Variants in TMEM132D observed in about 807,000 individuals in gnomAD.
TMEM132D encodes the protein transmembrane protein 132D, also known as mature OL transmembrane protein.
In TMEM132D, 21 loss-of-function variants were observed where a neutral mutation model predicts 62.3. The ratio of observed to expected loss-of-function variants is 0.34; its 90% confidence interval spans 0.24 to 0.49. The LOEUF (loss-of-function observed/expected upper bound fraction) is 0.49. Ranked by LOEUF, TMEM132D falls within the 20% of genes least tolerant of loss-of-function variation. TMEM132D has a pLI of 0.99. For synonymous variants in TMEM132D, 621 were observed against 575.6 expected (o/e 1.08, Z -1.13); for missense variants, 1,346 against 1,402.8 (o/e 0.96, Z 0.65).
chr12:129,851,725 C>T (rs1474615947), intron 1 of TMEM132D, among the ~76,000 whole-genome samples: 6 of 152,184 alleles, frequency 3.9e-5, no homozygotes, highest in African/African-American at 4.8e-5. Flanking sequence ...CCAAGGGAGA[C>T]GCCTGCAACA....
chr12:129,325,877 C>G (rs763433344), intron 4 of TMEM132D, among the ~76,000 whole-genome samples: 1 of 152,190 alleles, frequency 6.6e-6, no homozygotes, highest in Non-Finnish European at 1.5e-5. Context: ...ACAGAGCAAA[C>G]AAGCTCGACA....
At chr12:129,488,117 G>A (rs984459695) in intron 3 of TMEM132D, among the ~76,000 whole-genome samples, 29 of 152,070 alleles carry the variant, frequency 1.9e-4, no homozygotes, top group African/African-American at 6.3e-4. Context: ...CTCTCACCAC[G>A]CACCAATGCC....
chr12:129,903,306 G>A lies in TMEM132D; in HGVS notation c.34C>T (p.His12Tyr). 1 of 1,554,576 alleles carries A rather than the reference G, an allele frequency of 6.4e-7. No homozygotes were observed. The highest frequency in any genetic ancestry group is 2.4e-5 in the East Asian group (1 of 41,030). ...CPSEMGTLWH[H>Y]WSPVLISLAA... is the part of the protein sequence containing the mutation. Reference sequence around the variant, plus strand: ...AGGCTGATGAGTACCGGCGACCAGTGGTGCCACAGCGTCCCCATCTCAGAC... The same window carrying A: ...AGGCTGATGAGTACCGGCGACCAGTAGTGCCACAGCGTCCCCATCTCAGAC... The change falls in exon 1 of 9, where the codon CAC becomes TAC. Residue 12 changes from histidine (H) to tyrosine (Y), a missense_variant. His to Tyr is a moderately conservative substitution (Grantham distance 83). Transcript: ENST00000422113. The surrounding 1 kb of genome is among the most constrained non-coding windows in gnomAD (Gnocchi z 6.2).
At chr12:129,892,687 G>A (rs955024522) in intron 1 of TMEM132D, among the ~76,000 whole-genome samples, 3 of 151,924 alleles carry the variant, frequency 2.0e-5, no homozygotes, top group Non-Finnish European at 2.9e-5. Context: ...CTCTATACAC[G>A]CAGGCCACAT....
chr12:129,455,064 GCT>G (rs1300938134), intron 3 of TMEM132D, among the ~76,000 whole-genome samples: 7 of 152,220 alleles, frequency 4.6e-5, no homozygotes, highest in African/African-American at 1.7e-4. Context: ...GTGACCAAAA[GCT>G]CAGAGTGTTC....
chr12:129,795,697 T>A (rs1871543367), intron 1 of TMEM132D, among the ~76,000 whole-genome samples: 1 of 152,182 alleles, frequency 6.6e-6, no homozygotes, highest in Non-Finnish European at 1.5e-5. Flanking sequence ...CAAAAATGTA[T>A]GTTGGGTTTT....
At chr12:129,881,071 A>G (rs1231219206) in intron 1 of TMEM132D, among the ~76,000 whole-genome samples, 1 of 152,100 alleles carries the variant, frequency 6.6e-6, no homozygotes, top group Non-Finnish European at 1.5e-5. Flanking sequence ...TAATAATATA[A>G]GAAAAATAAA....
chr12:129,179,277 A>G (rs141341625), intron 5 of TMEM132D, among the ~76,000 whole-genome samples: 76 of 152,276 alleles, frequency 5.0e-4, no homozygotes, highest in African/African-American at 1.8e-3. Flanking sequence ...TTGAGACCCA[A>G]CTTTGCAGAT....
At chr12:129,215,126 G>A (rs1566000035) in intron 4 of TMEM132D, among the ~76,000 whole-genome samples, 2 of 152,206 alleles carry the variant, frequency 1.3e-5, no homozygotes, top group African/African-American at 4.8e-5. Flanking sequence ...ATACTATGCA[G>A]CCATAAAAAA....
intron 8 of TMEM132D, among the ~76,000 whole-genome samples, chr12:129,077,137 T>C (rs1299081994): frequency 6.6e-6 from 1 of 151,976 alleles, no homozygotes; most frequent in Admixed American, 6.6e-5. Context: ...GCTGGGAAAA[T>C]GGGAAGGCTC....
At chr12:129,226,333 C>A (rs771916055) in intron 4 of TMEM132D, among the ~76,000 whole-genome samples, 14 of 152,228 alleles carry the variant, frequency 9.2e-5, no homozygotes, top group Non-Finnish European at 1.9e-4. Flanking sequence ...TGGGCATGGG[C>A]CTTGAGCATC....
At chr12:129,538,650 G>A (rs1405576858) in intron 2 of TMEM132D, among the ~76,000 whole-genome samples, 1 of 152,162 alleles carries the variant, frequency 6.6e-6, no homozygotes, top group Non-Finnish European at 1.5e-5. Context: ...GAACAATTAT[G>A]AAAATATACT....
At chr12:129,333,132 C>G (rs185329251) in intron 4 of TMEM132D, among the ~76,000 whole-genome samples, 37 of 152,254 alleles carry the variant, frequency 2.4e-4, no homozygotes, top group African/African-American at 8.7e-4. Context: ...AACATGTCAT[C>G]TAAGAAGGGC....
rs528845506 is a variant in TMEM132D at position 129,896,187 on chromosome 12, G to A, written c.79+7074C>T. 7.2e-5 allele frequency among the ~76,000 whole-genome samples: 11 copies of A among 151,736 alleles called. No homozygotes were observed. The East Asian group carries it at 1.9e-3, about 27-fold the overall frequency. ...TTTTGTAGAGATGGAGTCTTGCTTT[G>A]TTGCCCAGGCTGGTCTTGAACTCCT... On this transcript the variant is annotated intron_variant, in intron 1 of 8. Coordinates refer to ENST00000422113, the MANE Select transcript of TMEM132D (RefSeq NM_133448.3).
chr12:129,711,552 C>T (rs1221862938), intron 1 of TMEM132D, among the ~76,000 whole-genome samples: 1 of 151,652 alleles, frequency 6.6e-6, no homozygotes, highest in East Asian at 2.0e-4. Context: ...ATGGTGAAAC[C>T]CCATAGCTAC....
intron 2 of TMEM132D, among the ~76,000 whole-genome samples, chr12:129,692,111 A>G (rs1881077257): frequency 6.6e-6 from 1 of 152,120 alleles, no homozygotes; most frequent in African/African-American, 2.4e-5. Flanking sequence ...TACCAAAACC[A>G]TATGAAGACA....
chr12:129,087,064 A>C (rs1309666703), intron 5 of TMEM132D, among the ~76,000 whole-genome samples: 2 of 152,178 alleles, frequency 1.3e-5, no homozygotes, highest in African/African-American at 4.8e-5. Context: ...TAGCCATGCT[A>C]TACATTAGGG....
chr12:129,819,627 T>C (rs542342046), intron 1 of TMEM132D, among the ~76,000 whole-genome samples: 1 of 152,276 alleles, frequency 6.6e-6, no homozygotes, highest in South Asian at 2.1e-4. Context: ...CCTCCTCTTA[T>C]GAAACGGGGA....
rs764802352 is a variant in TMEM132D, at chr12:129,074,546, G to T, written c.2629C>A (p.His877Asn). 6.2e-7 allele frequency: 1 copy of T among 1,614,070 alleles called. No individual in the cohort carries two copies. The change falls in exon 9 of 9, where the codon CAC (histidine) becomes AAC (asparagine). Residue 877 changes from histidine to asparagine, a missense_variant. Coordinates refer to ENST00000422113, the MANE Select transcript of TMEM132D (RefSeq NM_133448.3). ...GQESLLDDNS[H>N]LQTIPSDLTS... ...AGGTCGCTGGGGATGGTCTGCAAGT[G>T]GCTGTTGTCATCTAAAAGGCTTTCC...
Sources: allele counts gnomAD v4.1 joint callset (sites outside exome capture counted in the v4.1 genomes callset), GRCh38; gene constraint gnomAD v4.1.1; non-coding constraint Gnocchi (gnomAD v3.1); transcripts MANE v1.5; gene names NCBI Gene and HGNC (gene_info 2026-07-23, HGNC 2026-07-21).